Variants in ARHGEF4 observed in about 807,000 individuals in gnomAD.
The protein encoded by ARHGEF4 is APC-stimulated guanine nucleotide exchange factor 1.
Under a neutral mutation model 162.0 loss-of-function variants are expected in ARHGEF4, and 119 were observed. The ratio of observed to expected loss-of-function variants is 0.73; its 90% confidence interval spans 0.63 to 0.86. The LOEUF (loss-of-function observed/expected upper bound fraction) is 0.86. ARHGEF4 is among the 40% of genes least tolerant of loss of function. ARHGEF4 has a pLI of 0.00. For synonymous variants in ARHGEF4, 1,014 were observed against 979.9 expected (o/e 1.03, Z -0.65); for missense variants, 2,488 against 2,456.0 (o/e 1.01, Z -0.28).
chr2:130,995,301 A>C lies in ARHGEF4; in HGVS notation c.3986-32644A>C, dbSNP rs544111011. Among the ~76,000 whole-genome samples the C allele has an allele frequency of 2.0e-5, 3 of 152,302 alleles. No individual in the cohort carries two copies. The East Asian group carries it at 5.8e-4, about 29-fold the overall frequency. On this transcript the variant is annotated intron_variant, in intron 4 of 13. Coordinates refer to ENST00000409359, the MANE Select transcript of ARHGEF4 (RefSeq NM_001367493.1). ...ATTCAGCTGTACCTAATATGTTGTTAAACATATTCATTGAGTTTGTTTCCA... is the reference window on the plus strand; with the variant it reads ...ATTCAGCTGTACCTAATATGTTGTTCAACATATTCATTGAGTTTGTTTCCA...
At chr2:130,920,593 T>G (rs573842631) in intron 2 of ARHGEF4, among the ~76,000 whole-genome samples, 7 of 152,232 alleles carry the variant, frequency 4.6e-5, no homozygotes, top group East Asian at 1.9e-4. Context: ...AATGTGAAAC[T>G]CCCCTTGGAG....
chr2:131,045,479 C>T (rs753071886), intron 13 of ARHGEF4, 33 bp downstream of exon 13: 2 of 1,613,584 alleles, frequency 1.2e-6, no homozygotes, highest in South Asian at 2.2e-5. Flanking sequence ...TCCTCGGCTG[C>T]CCGGTCCTTA....
At chr2:131,024,052 G>A (rs1479025305) in intron 4 of ARHGEF4, among the ~76,000 whole-genome samples, 9 of 152,196 alleles carry the variant, frequency 5.9e-5, no homozygotes, top group Admixed American at 5.9e-4. Flanking sequence ...TTGCTCTGGT[G>A]GCTGTGCAGA....
intron 1 of ARHGEF4, chr2:130,837,509 G>C: frequency 2.6e-6 from 1 of 388,836 alleles, no homozygotes; most frequent in East Asian, 9.0e-5. Context: ...GCTGGAACTG[G>C]GGTCGGGGCT....
chr2:130,936,232 A>G (rs973273879), intron 3 of ARHGEF4, among the ~76,000 whole-genome samples: 1 of 152,152 alleles, frequency 6.6e-6, no homozygotes, highest in Non-Finnish European at 1.5e-5. Flanking sequence ...CAAGACCTCT[A>G]TTTCCTCACT....
At chr2:131,035,941 G>C in intron 5 of ARHGEF4, 1 of 860,964 alleles carries the variant, frequency 1.2e-6, no homozygotes, top group Non-Finnish European at 1.4e-6. Context: ...CAGAGGCACA[G>C]GAGGGGATCC....
In ARHGEF4 at chr2:131,043,432, TCTC is replaced by T. The variant is rs745399773; in HGVS notation, c.5026-17_5026-15del. 2 of 1,613,378 alleles carry T rather than the reference TCTC, an allele frequency of 1.2e-6. No individual in the cohort carries two copies. The highest frequency in any genetic ancestry group is 1.1e-5 in the South Asian group (1 of 91,070). ...CGGTTGGGTATGCGAGGCTCATGGT[TCTC>T]CTTGGGATCTTCCCAGGGAGAAGAT... On this transcript the variant is annotated splice_polypyrimidine_tract_variant and intron_variant, in intron 10 of 13. Coordinates refer to ENST00000409359, the MANE Select transcript of ARHGEF4 (RefSeq NM_001367493.1).
rs752079768 is a variant in ARHGEF4 at position 130,915,267 on chromosome 2, T to G, written c.1321T>G (p.Cys441Gly). 4.6e-5 allele frequency: 71 copies of G among 1,550,486 alleles called. No homozygotes were observed. The highest frequency in any genetic ancestry group is 5.9e-5 in the Non-Finnish European group (68 of 1,147,016). The change falls in exon 2 of 14, where the codon TGC (cysteine) becomes GGC (glycine). Residue 441 changes from cysteine to glycine, a missense_variant. Physicochemically the swap from Cys to Gly is radical, Grantham distance 159 (BLOSUM62 -3). Transcript: ENST00000409359. ...QDSRSCLVAS[C>G]LTSELVKLSA... ...TTCCAGGTCATGTCTGGTGGCTTCA[T>G]GCCTCACCTCAGAGTTAGTGAAGCT...
intron 4 of ARHGEF4, among the ~76,000 whole-genome samples, chr2:131,008,345 T>C: frequency 6.6e-6 from 1 of 152,060 alleles, no homozygotes; most frequent in East Asian, 1.9e-4. Context: ...ATTTGTTCTT[T>C]GTAAAACTTT....
chr2:130,986,867 G>A (rs1278065388), intron 4 of ARHGEF4, among the ~76,000 whole-genome samples: 2 of 152,228 alleles, frequency 1.3e-5, no homozygotes, highest in African/African-American at 4.8e-5. Context: ...AGGCTCTGAA[G>A]CTGCCTAGGC....
chr2:130,969,085 T>C (rs1389197222), intron 4 of ARHGEF4, among the ~76,000 whole-genome samples: 1 of 152,136 alleles, frequency 6.6e-6, no homozygotes, highest in Non-Finnish European at 1.5e-5. Flanking sequence ...CCTAACCTAC[T>C]GAACATCATA....
chr2:131,029,551 C>CTTTTTTTT (rs70994734), intron 5 of ARHGEF4, among the ~76,000 whole-genome samples: 1 of 141,052 alleles, frequency 7.1e-6, no homozygotes, highest in African/African-American at 2.7e-5. Flanking sequence ...TGTGCTTTTC[C>CTTTTTTTT]TTTTTTTTTT....
At chr2:131,031,396 C>T (rs75874841) in intron 5 of ARHGEF4, among the ~76,000 whole-genome samples, 12,484 of 152,278 alleles carry the variant, frequency 0.082, 710 homozygotes, top group African/African-American at 0.17. Context: ...TGTGTGTGCA[C>T]GTGCTGTACA....
chr2:130,988,893 TATATATATAGAGAGAGAGAGAGAG>T (rs1291323614), intron 4 of ARHGEF4, among the ~76,000 whole-genome samples: 1 of 113,244 alleles, frequency 8.8e-6, no homozygotes, highest in East Asian at 3.7e-4. Flanking sequence ...TATATATATA[TATATATATAGAGAGAGAGAGAGAG>T]AGAGAGAGAG....
At chr2:130,974,546 C>T (rs1389355582) in intron 4 of ARHGEF4, among the ~76,000 whole-genome samples, 2 of 151,834 alleles carry the variant, frequency 1.3e-5, no homozygotes, top group African/African-American at 2.4e-5. Context: ...TTTCTAGGCT[C>T]AAGCGATCCT....
chr2:130,931,966 T>C (rs1444350970), intron 3 of ARHGEF4, among the ~76,000 whole-genome samples: 1 of 152,208 alleles, frequency 6.6e-6, no homozygotes, highest in Admixed American at 6.5e-5. Flanking sequence ...GAAGAATTCA[T>C]TGGCATTTAG....
At chr2:130,896,994 A>C (rs551821849) in intron 1 of ARHGEF4, among the ~76,000 whole-genome samples, 1 of 152,276 alleles carries the variant, frequency 6.6e-6, no homozygotes, top group Non-Finnish European at 1.5e-5. Flanking sequence ...CTGGATCACC[A>C]GGCTGGGGAA....
chr2:131,043,839 C>A (rs564609592), intron 11 of ARHGEF4, among the ~76,000 whole-genome samples: 1 of 152,272 alleles, frequency 6.6e-6, no homozygotes, highest in South Asian at 2.1e-4. Context: ...GCTGCTTGCT[C>A]CTCAAGCTAC....
intron 1 of ARHGEF4, among the ~76,000 whole-genome samples, chr2:130,881,963 C>A (rs955856239): frequency 3.9e-5 from 6 of 152,024 alleles, no homozygotes; most frequent in African/African-American, 1.5e-4. Flanking sequence ...CCTCAGGCAG[C>A]GCTTGGGGTA....
Sources: gnomAD v4.1 joint callset for allele counts (sites outside exome capture counted in the v4.1 genomes callset) on GRCh38, gnomAD v4.1.1 for gene constraint, MANE v1.5 for transcripts, NCBI Gene and HGNC (gene_info 2026-07-23, HGNC 2026-07-21) for gene names.